The following RANBP17 variants were observed in gnomAD, a reference collection of about 807,000 sequenced individuals.
RANBP17 encodes ran-binding protein 17.
RANBP17 carries 158 observed loss-of-function variants against 141.2 expected under a neutral mutation model. The ratio of observed to expected loss-of-function variants is 1.12; its 90% confidence interval spans 0.98 to 1.28. The LOEUF is 1.28. Ranked by LOEUF, RANBP17 falls within the 50% of genes most tolerant of loss-of-function variation. The pLI, the probability that RANBP17 is intolerant of heterozygous loss-of-function variation, is 0.00. For missense variants in RANBP17, 1,438 were observed against 1,290.7 expected (o/e 1.11, Z -1.75); for synonymous variants, 430 against 450.0 (o/e 0.96, Z 0.56).
chr5:170,868,657 T>C (rs1462874039), intron 1 of RANBP17, among the ~76,000 whole-genome samples: 1 of 152,218 alleles, frequency 6.6e-6, no homozygotes, highest in African/African-American at 2.4e-5. Flanking sequence ...TTATATGGGC[T>C]TCTAATGTTA....
chr5:171,215,758 T>A (rs1763175655), intron 21 of RANBP17, among the ~76,000 whole-genome samples: 1 of 152,200 alleles, frequency 6.6e-6, no homozygotes, highest in Non-Finnish European at 1.5e-5. Context: ...AGTTGTTTGT[T>A]TTTTTCTTGT....
At chr5:171,217,335 C>T (rs962703474) in intron 21 of RANBP17, among the ~76,000 whole-genome samples, 4 of 152,102 alleles carry the variant, frequency 2.6e-5, no homozygotes, top group Non-Finnish European at 4.4e-5. Flanking sequence ...AGGATTTTCA[C>T]GTCGATGTTC....
chr5:170,916,894 T>G (rs574701201), intron 9 of RANBP17, among the ~76,000 whole-genome samples: 1 of 152,104 alleles, frequency 6.6e-6, no homozygotes, highest in South Asian at 2.1e-4. Flanking sequence ...TTTTGTATTT[T>G]TAGTGGAGAT....
chr5:171,236,050 T>C (rs899263337), intron 22 of RANBP17, among the ~76,000 whole-genome samples: 1 of 152,194 alleles, frequency 6.6e-6, no homozygotes, highest in Non-Finnish European at 1.5e-5. Context: ...TTCCCTCCAG[T>C]CTTTGCAGCT....
chr5:170,911,169 A>G (rs1206791527), intron 7 of RANBP17, 35 bp downstream of exon 7: 1 of 1,580,856 alleles, frequency 6.3e-7, no homozygotes, highest in South Asian at 1.1e-5. Context: ...GGTCATCAAC[A>G]TAAAGGCACA....
intron 1 of RANBP17, among the ~76,000 whole-genome samples, chr5:170,870,582 G>A (rs995904007): frequency 6.6e-6 from 1 of 152,124 alleles, no homozygotes; most frequent in African/African-American, 2.4e-5. Flanking sequence ...AGTATTCCAT[G>A]GCTTATATGT....
At chr5:170,935,110 G>C (rs1441553785) in intron 12 of RANBP17, among the ~76,000 whole-genome samples, 1 of 152,090 alleles carries the variant, frequency 6.6e-6, no homozygotes, top group Non-Finnish European at 1.5e-5. Flanking sequence ...ACTGAAGCTT[G>C]TGCATGCATC....
intron 1 of RANBP17, among the ~76,000 whole-genome samples, chr5:170,872,404 G>A (rs557429184): frequency 1.1e-4 from 17 of 152,314 alleles, no homozygotes; most frequent in African/African-American, 3.4e-4. Flanking sequence ...AGCTTAAGGA[G>A]TTTTTGGGCT....
chr5:170,999,030 A>C (rs1390794456), intron 14 of RANBP17, among the ~76,000 whole-genome samples: 2 of 152,124 alleles, frequency 1.3e-5, no homozygotes, highest in East Asian at 3.8e-4. Flanking sequence ...TTTGAGGCTC[A>C]CTGAAAATGT....
At chr5:170,981,457 C>T (rs569902987) in intron 14 of RANBP17, among the ~76,000 whole-genome samples, 10 of 151,940 alleles carry the variant, frequency 6.6e-5, no homozygotes, top group Admixed American at 3.9e-4. Context: ...TGAATTCTCA[C>T]GTGTTGTGGG....
chr5:171,095,145 T>C (rs1240502219), intron 14 of RANBP17, among the ~76,000 whole-genome samples: 1 of 152,210 alleles, frequency 6.6e-6, no homozygotes, highest in African/African-American at 2.4e-5. Context: ...GTCTGTGATA[T>C]TCTGTTATAG....
At chr5:171,189,623 A>G (rs978205433) in intron 18 of RANBP17, among the ~76,000 whole-genome samples, 1 of 152,186 alleles carries the variant, frequency 6.6e-6, no homozygotes, top group Non-Finnish European at 1.5e-5. Flanking sequence ...GCCTCTCCCA[A>G]GACAAAACAA....
intron 12 of RANBP17, among the ~76,000 whole-genome samples, chr5:170,928,407 T>C (rs1018704640): frequency 1.3e-5 from 2 of 152,124 alleles, no homozygotes; most frequent in Non-Finnish European, 2.9e-5. Context: ...ATTTATGAAA[T>C]CTTTTCTAAC....
rs1174952957 is a variant in RANBP17, at chr5:170,894,525, C to T, written c.424-1525C>T. Among the ~76,000 whole-genome samples, 3 of 130,314 alleles carry T rather than the reference C, an allele frequency of 2.3e-5. No homozygotes were observed. The East Asian group carries it at 7.1e-4, about 31-fold the overall frequency. The allele number at this position is 130,314 out of a possible 152,430, so 85.5% of individuals were successfully genotyped here. ...ATATATATGGCTTGACCTAACCCTG[C>T]ATCATGAGAAAGTCAATTTTGGCTT... On this transcript the variant is annotated intron_variant, in intron 4 of 27. Transcript: ENST00000523189.
chr5:171,122,734 G>A (rs1039587292), intron 14 of RANBP17, among the ~76,000 whole-genome samples: 1 of 152,210 alleles, frequency 6.6e-6, no homozygotes, highest in African/African-American at 2.4e-5. Flanking sequence ...AGTCCACGCA[G>A]TGGCATTGTT....
chr5:170,929,087 G>A lies in RANBP17; in HGVS notation c.1468+4537G>A, dbSNP rs556599207. On this transcript the variant is annotated intron_variant, in intron 12 of 27. Transcript: ENST00000523189. ...CTCTATTAAACCAGAATTGAATTTT[G>A]TCTTTGTGTCTTATAACTTTGCTTA... 7.2e-5 allele frequency among the ~76,000 whole-genome samples: 11 copies of A among 152,036 alleles called. No homozygotes were observed. The South Asian group carries it at 2.3e-3, about 32-fold the overall frequency.
At chr5:171,209,286 T>C (rs1762744397) in intron 20 of RANBP17, among the ~76,000 whole-genome samples, 1 of 152,168 alleles carries the variant, frequency 6.6e-6, no homozygotes, top group Admixed American at 6.5e-5. Context: ...CATTTCATGG[T>C]TGGAAATGTA....
chr5:171,089,600 C>T lies in RANBP17; in HGVS notation c.1711-80530C>T, dbSNP rs1358832737. On this transcript the variant is annotated intron_variant, in intron 14 of 27. Coordinates refer to ENST00000523189, the MANE Select transcript of RANBP17 (RefSeq NM_022897.5). Reference sequence around the variant, plus strand: ...GTTTGATCTCAGACTGCTGTGCTAGCAATCAGTGAGATTCCGTGGGCGTAG... The same window carrying T: ...GTTTGATCTCAGACTGCTGTGCTAGTAATCAGTGAGATTCCGTGGGCGTAG... Among the ~76,000 whole-genome samples the T allele has an allele frequency of 9.9e-5, 15 of 152,242 alleles. No homozygotes were observed. In the South Asian group the frequency reaches 3.1e-3, roughly 32 times the overall value.
chr5:170,981,596 C>T (rs1056154866), intron 14 of RANBP17, among the ~76,000 whole-genome samples: 1 of 151,650 alleles, frequency 6.6e-6, no homozygotes, highest in Non-Finnish European at 1.5e-5. Flanking sequence ...CCATGTAAGA[C>T]GTGACTTGCT....
Sources: allele counts gnomAD v4.1 joint callset (sites outside exome capture counted in the v4.1 genomes callset), GRCh38; gene constraint gnomAD v4.1.1; transcripts MANE v1.5; gene names NCBI Gene and HGNC (gene_info 2026-07-23, HGNC 2026-07-21).